Variants in P3H2 observed in about 807,000 individuals in gnomAD.
P3H2 encodes the protein prolyl 3-hydroxylase 2, also known as leprecan-like 1.
In P3H2, 80 loss-of-function variants were observed where a neutral mutation model predicts 87.0. The ratio of observed to expected loss-of-function variants is 0.92; its 90% CI spans 0.77 to 1.11. P3H2 has a LOEUF of 1.11. P3H2 is among the 50% of genes least tolerant of loss of function. The pLI is 0.00. For missense variants in P3H2, 1,001 were observed against 923.9 expected (o/e 1.08, Z -1.08); for synonymous variants, 367 against 359.3 (o/e 1.02, Z -0.24).
chr3:190,068,209 T>A (rs1386416913), intron 1 of P3H2, among the ~76,000 whole-genome samples: 2 of 152,208 alleles, frequency 1.3e-5, no homozygotes, highest in Admixed American at 1.3e-4. Flanking sequence ...GAGAATACAT[T>A]GTTAGCAAAC....
At chr3:190,027,840 T>C (rs1725129273) in intron 1 of P3H2, among the ~76,000 whole-genome samples, 1 of 152,010 alleles carries the variant, frequency 6.6e-6, no homozygotes, top group African/African-American at 2.4e-5. Context: ...GTGCTGGGTC[T>C]GAGCATTCAC....
chr3:189,972,794 G>A (rs1230471388), intron 11 of P3H2, 80 bp downstream of exon 11: 1 of 1,404,752 alleles, frequency 7.1e-7, no homozygotes, highest in African/African-American at 1.4e-5. Context: ...AATCTACCAT[G>A]CTGTTGAGCT....
chr3:190,107,899 C>T (rs757807440), intron 1 of P3H2, among the ~76,000 whole-genome samples: 46 of 119,118 alleles, frequency 3.9e-4, no homozygotes, highest in Non-Finnish European at 8.1e-4. Flanking sequence ...TTTTCACTGT[C>T]TCTGTTTCCA....
chr3:189,980,609 T>C (rs921635638), intron 8 of P3H2, among the ~76,000 whole-genome samples: 9 of 152,158 alleles, frequency 5.9e-5, no homozygotes, highest in African/African-American at 2.2e-4. Flanking sequence ...GTTGGAAACT[T>C]TGTATCTATC....
chr3:190,080,090 G>A (rs1053378305), intron 1 of P3H2, among the ~76,000 whole-genome samples: 2 of 152,180 alleles, frequency 1.3e-5, no homozygotes, highest in Non-Finnish European at 2.9e-5. Context: ...AGTCATAAAT[G>A]GGTAAGGAAA....
intron 8 of P3H2, among the ~76,000 whole-genome samples, chr3:189,978,557 G>A (rs1196254646): frequency 6.6e-6 from 1 of 151,954 alleles, no homozygotes; most frequent in Admixed American, 6.6e-5. Context: ...TTGGGTTCCG[G>A]GAGAATCTGC....
intron 14 of P3H2, among the ~76,000 whole-genome samples, chr3:189,959,860 ATGTGTGTGTGTGTGTGTGTGTGTG>A (rs75204350): frequency 1.2e-4 from 16 of 134,794 alleles, no homozygotes; most frequent in African/African-American, 2.7e-4. Flanking sequence ...TGGAGGAGAT[ATGTGTGTGTGTGTGTGTGTGTGTG>A]TGTGTGTGTG....
chr3:190,009,078 T>A (rs776760777), intron 1 of P3H2, among the ~76,000 whole-genome samples: 2 of 152,132 alleles, frequency 1.3e-5, no homozygotes. Flanking sequence ...GCAGAGGTGC[T>A]GGGAAGGGCA....
intron 1 of P3H2, among the ~76,000 whole-genome samples, chr3:190,116,931 T>C (rs566174940): frequency 1.3e-5 from 2 of 150,968 alleles, no homozygotes; most frequent in African/African-American, 5.0e-5. Context: ...GCAAGGCTCA[T>C]GAAAGATGTA....
At chr3:189,973,865 G>A in intron 10 of P3H2, 44 bp downstream of exon 10, 1 of 1,405,480 alleles carries the variant, frequency 7.1e-7, no homozygotes, top group Non-Finnish European at 1.0e-6. Context: ...GAAGCCTTAG[G>A]CTGACACTAA....
intron 1 of P3H2, among the ~76,000 whole-genome samples, chr3:190,033,726 C>A (rs1725328234): frequency 6.6e-6 from 1 of 152,166 alleles, no homozygotes; most frequent in Non-Finnish European, 1.5e-5. Context: ...ACCAAGTTAT[C>A]TGTACCTGGT....
At chr3:190,031,058 TA>T (rs1725236705) in intron 1 of P3H2, among the ~76,000 whole-genome samples, 1 of 152,182 alleles carries the variant, frequency 6.6e-6, no homozygotes, top group Non-Finnish European at 1.5e-5. Context: ...GACACTTAGA[TA>T]AGGATGGATT....
At chr3:189,995,469 T>C in intron 1 of P3H2, 27 bp from the exon 2 acceptor site, 3 of 1,607,162 alleles carry the variant, frequency 1.9e-6, no homozygotes, top group South Asian at 2.2e-5. Flanking sequence ...ATGACCAAAA[T>C]GAAGGCAAAT....
intron 1 of P3H2, among the ~76,000 whole-genome samples, chr3:190,052,251 C>G (rs1254425556): frequency 6.6e-6 from 1 of 151,934 alleles, no homozygotes; most frequent in Non-Finnish European, 1.5e-5. Context: ...TGCCCCTCAC[C>G]CCCCGACAAG....
intron 13 of P3H2, among the ~76,000 whole-genome samples, chr3:189,964,361 C>T (rs557550295): frequency 9.2e-5 from 14 of 152,294 alleles, no homozygotes; most frequent in Non-Finnish European, 1.6e-4. Flanking sequence ...TCATTCAATA[C>T]ATGCTATATA....
At position 189,987,518 on chromosome 3, in the gene P3H2, T is replaced by G. The variant is rs2108919089; in HGVS notation, c.1098+9A>C. 1 of 1,612,660 alleles carries G rather than the reference T, an allele frequency of 6.2e-7. No homozygotes were observed. The highest frequency in any genetic ancestry group is 8.5e-7 in the Non-Finnish European group (1 of 1,179,102). The stretch of plus-strand genomic sequence containing the variant: ...AAAAAAGAATTTCTTTTCAAAACAT[T>G]GGTCTCACCTCTCTGGCCTCAATGG... On this transcript the variant is annotated intron_variant, in intron 5 of 14. Coordinates refer to ENST00000319332, the MANE Select transcript of P3H2 (RefSeq NM_018192.4).
Position 190,095,784 on chromosome 3 carries a change from G to A in P3H2, c.480+24468C>T, listed in dbSNP as rs561703695. On this transcript the variant is annotated intron_variant, in intron 1 of 14. Transcript: ENST00000319332. ...CCTGGCTAATTATTTTTGTATTTTTGGTAGAGACGGGGTTTCACCATGTTA... is the reference window on the plus strand; with the variant it reads ...CCTGGCTAATTATTTTTGTATTTTTAGTAGAGACGGGGTTTCACCATGTTA... Among the ~76,000 whole-genome samples, 33 of 151,672 alleles carry A rather than the reference G, an allele frequency of 2.2e-4. No homozygotes were observed. The South Asian group carries it at 5.6e-3, about 26-fold the overall frequency.
intron 8 of P3H2, among the ~76,000 whole-genome samples, chr3:189,981,497 T>C (rs186102636): frequency 6.6e-6 from 1 of 152,288 alleles, no homozygotes; most frequent in Admixed American, 6.5e-5. Context: ...AAAAAAATTT[T>C]TTTTTTCCTT....
At chr3:190,097,306 C>T (rs1727617748) in intron 1 of P3H2, among the ~76,000 whole-genome samples, 1 of 151,514 alleles carries the variant, frequency 6.6e-6, no homozygotes, top group African/African-American at 2.4e-5. Context: ...AACAAACAAC[C>T]AAAAAAACCG....
Sources: allele counts gnomAD v4.1 joint callset (sites outside exome capture counted in the v4.1 genomes callset), GRCh38; gene constraint gnomAD v4.1.1; transcripts MANE v1.5; gene names NCBI Gene and HGNC (gene_info 2026-07-23, HGNC 2026-07-21).